Variants in SYT1 observed in about 807,000 individuals in gnomAD.
The protein encoded by SYT1 is synaptotagmin 1, also known as synaptotagmin-1.
In SYT1, 8 loss-of-function variants were observed where a neutral mutation model predicts 44.8. The observed-to-expected ratio is 0.18, with a 90% confidence interval of 0.10 to 0.32. SYT1 has a LOEUF of 0.32. SYT1 is among the 10% of genes least tolerant of loss of function. The pLI, the probability that SYT1 is intolerant of heterozygous loss-of-function variation, is 1.00. For missense variants in SYT1, 286 were observed against 509.3 expected (o/e 0.56, Z 4.22); for synonymous variants, 154 against 188.8 (o/e 0.82, Z 1.51).
intron 3 of SYT1, among the ~76,000 whole-genome samples, chr12:79,090,110 A>G (rs911528235): frequency 6.6e-5 from 10 of 152,076 alleles, no homozygotes; most frequent in African/African-American, 1.9e-4. Context: ...CTTATTTACT[A>G]TACCTCCTGC....
At chr12:79,133,169 G>A (rs1275561056) in intron 3 of SYT1, among the ~76,000 whole-genome samples, 1 of 152,148 alleles carries the variant, frequency 6.6e-6, no homozygotes, top group Non-Finnish European at 1.5e-5. Flanking sequence ...GTGTTTGATA[G>A]CACACTAAGG....
rs571579900 is a variant in SYT1 at position 78,926,231 on chromosome 12, CAA to C, written c.-216-51566_-216-51565del. 7.2e-3 allele frequency among the ~76,000 whole-genome samples: 1,093 copies of C among 152,152 alleles called. 13 individuals carry two copies. Among genetic ancestry groups the C allele is most frequent in the African/African-American group, 0.025 (1,036 of 41,570 alleles). Reference sequence around the variant, plus strand: ...ATTAAGTCATGCTCTGCAAGGGAAACAAATAAAGCAAGCACTACATCATTAGA... The same window carrying C: ...ATTAAGTCATGCTCTGCAAGGGAAACATAAAGCAAGCACTACATCATTAGA... On this transcript the variant is annotated intron_variant, in intron 1 of 10. Coordinates refer to ENST00000261205, the MANE Select transcript of SYT1 (RefSeq NM_005639.3).
intron 9 of SYT1, among the ~76,000 whole-genome samples, chr12:79,375,559 T>C (rs1301410340): frequency 6.6e-6 from 1 of 152,230 alleles, no homozygotes; most frequent in African/African-American, 2.4e-5. Flanking sequence ...ATGATTAGGA[T>C]CCCAGTTCTG....
chr12:79,041,333 C>A (rs1013642699), intron 2 of SYT1, among the ~76,000 whole-genome samples: 10 of 152,242 alleles, frequency 6.6e-5, no homozygotes, highest in African/African-American at 2.2e-4. Context: ...TTGAAGAGGT[C>A]CTTCACATCC....
chr12:79,092,286 G>C (rs566318547), intron 3 of SYT1, among the ~76,000 whole-genome samples: 1 of 151,898 alleles, frequency 6.6e-6, no homozygotes, highest in South Asian at 2.1e-4. Flanking sequence ...GACATGTCAG[G>C]CAAAGCCTTG....
chr12:78,914,407 G>C (rs1876524696), intron 1 of SYT1, among the ~76,000 whole-genome samples: 1 of 151,884 alleles, frequency 6.6e-6, no homozygotes, highest in Non-Finnish European at 1.5e-5. Flanking sequence ...TATGGCCTCT[G>C]CACAGATGTT....
intron 1 of SYT1, among the ~76,000 whole-genome samples, chr12:78,945,468 CTA>C (rs35939696): frequency 0.13 from 19,132 of 145,920 alleles, 1,545 homozygotes; most frequent in African/African-American, 0.24. Flanking sequence ...TTATGTGTGT[CTA>C]TATATATATA....
intron 1 of SYT1, among the ~76,000 whole-genome samples, chr12:78,883,107 A>C (rs1874545663): frequency 2.0e-5 from 3 of 151,744 alleles, no homozygotes; most frequent in Admixed American, 2.0e-4. Flanking sequence ...AAAATCTCTG[A>C]GATTCTATGT....
In SYT1 at chr12:79,312,514, G is replaced by C. The variant is rs184220782; in HGVS notation, c.810+12963G>C. Among the ~76,000 whole-genome samples the C allele has an allele frequency of 6.0e-4, 91 of 151,932 alleles. 1 individual carries two copies. The East Asian group carries it at 0.014, about 24-fold the overall frequency. On this transcript the variant is annotated intron_variant, in intron 8 of 10. Coordinates refer to ENST00000261205, the MANE Select transcript of SYT1 (RefSeq NM_005639.3). ...AATTTAAGCTAGAATTTTCCCTTTT[G>C]ATAAAAGAACAAAAAATGAACATGT...
rs74107391 is a variant in SYT1 at position 79,250,562 on chromosome 12, G to A, written c.166+32877G>A. On this transcript the variant is annotated intron_variant, in intron 4 of 10. Transcript: ENST00000261205. ...AAATGTATTTATAATTTATACTGCAGCAACAATAAAAATCTGTGAACAAAA... is the reference window on the plus strand; with the variant it reads ...AAATGTATTTATAATTTATACTGCAACAACAATAAAAATCTGTGAACAAAA... 3.8e-3 allele frequency among the ~76,000 whole-genome samples: 572 copies of A among 152,234 alleles called. 8 individuals carry two copies. The highest frequency in any genetic ancestry group is 0.013 in the African/African-American group (555 of 41,550).
chr12:79,026,687 AT>A (rs1565769718), intron 2 of SYT1, among the ~76,000 whole-genome samples: 44 of 138,406 alleles, frequency 3.2e-4, no homozygotes, highest in African/African-American at 1.1e-3. Flanking sequence ...ATATATATAT[AT>A]ATATATATAT....
At chr12:79,059,006 A>G (rs147330518) in intron 3 of SYT1, among the ~76,000 whole-genome samples, 444 of 152,214 alleles carry the variant, frequency 2.9e-3, no homozygotes, top group Admixed American at 6.4e-3. Context: ...GTAATTTATA[A>G]AGGAAAGAGG....
At chr12:79,152,066 G>C (rs1870308121) in intron 3 of SYT1, among the ~76,000 whole-genome samples, 1 of 152,152 alleles carries the variant, frequency 6.6e-6, no homozygotes, top group Admixed American at 6.5e-5. Flanking sequence ...GGAGAAGTGA[G>C]AGGAGAAATT....
At chr12:79,395,716 T>C (rs1489845625) in intron 9 of SYT1, among the ~76,000 whole-genome samples, 1 of 150,616 alleles carries the variant, frequency 6.6e-6, no homozygotes, top group Non-Finnish European at 1.5e-5. Flanking sequence ...GTCTACTTGA[T>C]TCATAAAGAT....
At chr12:79,041,672 G>C (rs1014705854) in intron 2 of SYT1, among the ~76,000 whole-genome samples, 1 of 152,014 alleles carries the variant, frequency 6.6e-6, no homozygotes, top group African/African-American at 2.4e-5. Flanking sequence ...TTGAATAGGA[G>C]TGGTGAGACA....
chr12:79,127,335 A>G (rs1868503483), intron 3 of SYT1, among the ~76,000 whole-genome samples: 1 of 152,236 alleles, frequency 6.6e-6, no homozygotes, highest in South Asian at 2.1e-4. Context: ...GCCCACACTT[A>G]ATCTGACTTT....
chr12:78,935,234 A>C (rs192347636), intron 1 of SYT1, among the ~76,000 whole-genome samples: 1 of 152,164 alleles, frequency 6.6e-6, no homozygotes, highest in Admixed American at 6.5e-5. Context: ...TGCATTTTCC[A>C]TGAAGGTTGC....
chr12:79,260,832 C>T (rs1028363964), intron 4 of SYT1, among the ~76,000 whole-genome samples: 3 of 150,796 alleles, frequency 2.0e-5, no homozygotes, highest in Admixed American at 6.6e-5. Context: ...ACTTGGGTCT[C>T]AAGCCATTCT....
At chr12:79,100,304 T>G (rs71463805) in intron 3 of SYT1, among the ~76,000 whole-genome samples, 59 of 152,290 alleles carry the variant, frequency 3.9e-4, no homozygotes, top group Middle Eastern at 3.4e-3. Flanking sequence ...GAGCCAACTT[T>G]GGACTCATGC....
Sources: gnomAD v4.1 joint callset for allele counts (sites outside exome capture counted in the v4.1 genomes callset) on GRCh38, gnomAD v4.1.1 for gene constraint, MANE v1.5 for transcripts, NCBI Gene and HGNC (gene_info 2026-07-23, HGNC 2026-07-21) for gene names.